EVA1A: variants seen among roughly 807,000 people sequenced by gnomAD.
EVA1A encodes eva-1 homolog A, regulator of programmed cell death, also known as protein eva-1 homolog A.
In EVA1A, 7 loss-of-function variants were observed where a neutral mutation model predicts 9.8. The observed-to-expected ratio is 0.71, with a 90% CI of 0.41 to 1.34. EVA1A has a LOEUF of 1.34. Ranked by LOEUF, EVA1A falls within the 40% of genes most tolerant of loss-of-function variation. EVA1A has a pLI of 0.01. For missense variants in EVA1A, 206 were observed against 205.9 expected, an observed-to-expected ratio of 1.00 and a Z score of 0.00; for synonymous variants, 90 against 85.6, an observed-to-expected ratio of 1.05 and a Z score of -0.28.
At chr2:75,556,650 T>C (rs1676719751) in intron 1 of EVA1A, among the ~76,000 whole-genome samples, 1 of 152,152 alleles carries the variant, frequency 6.6e-6, no homozygotes, top group Non-Finnish European at 1.5e-5. Context: ...AAGGCAGTGC[T>C]ATAGGGCAGC....
chr2:75,517,696 GT>G lies in EVA1A; in HGVS notation c.85+359del, dbSNP rs527608996. 132 of 670,738 alleles carry G rather than the reference GT, an allele frequency of 2.0e-4. No individual in the cohort carries two copies. The African/African-American group carries it at 2.2e-3, about 11-fold the overall frequency. The allele number at this position is 670,738 out of a possible 1,614,324, so 41.5% of individuals were successfully genotyped here. A position where few individuals can be genotyped will look rare whatever the true frequency, so the allele number is the denominator to read the frequency against. On this transcript the variant is annotated intron_variant, in intron 3 of 3. Transcript: ENST00000393913. The stretch of plus-strand genomic sequence containing the variant: ...ACAGTCTCACACACAGGCAGCCTGT[GT>G]GAGGTTAACTGCATAGAATAACCAG...
intron 1 of EVA1A, among the ~76,000 whole-genome samples, chr2:75,556,200 T>C (rs1011968984): frequency 6.6e-6 from 1 of 152,220 alleles, no homozygotes; most frequent in Admixed American, 6.5e-5. Context: ...AAATGCCCTT[T>C]ACAGCACTAA....
intron 3 of EVA1A, among the ~76,000 whole-genome samples, chr2:75,507,869 C>A (rs149971029): frequency 1.8e-4 from 28 of 152,248 alleles, no homozygotes; most frequent in Non-Finnish European, 2.9e-4. Flanking sequence ...ACCTTTGTTG[C>A]GGGAAGTCAG....
chr2:75,547,179 G>T (rs139935189), intron 1 of EVA1A, among the ~76,000 whole-genome samples: 1 of 152,264 alleles, frequency 6.6e-6, no homozygotes, highest in African/African-American at 2.4e-5. Flanking sequence ...TCCTCCCTAC[G>T]TGCATTCCCT....
rs574684714 is a variant in EVA1A, at chr2:75,540,348, C to T, written c.-191-17861G>A. On this transcript the variant is annotated intron_variant, in intron 1 of 3. Transcript: ENST00000393913. ...TCTCATCATTTCCTATCTGAATAGA[C>T]GGAAGCACAAGCTGGGGCTCATTCC... is the stretch of plus-strand genomic sequence containing the variant. 4.6e-5 allele frequency among the ~76,000 whole-genome samples: 7 copies of T among 152,326 alleles called. No individual in the cohort carries two copies. In the East Asian group the frequency reaches 5.8e-4, roughly 13 times the overall value.
intron 2 of EVA1A, among the ~76,000 whole-genome samples, chr2:75,519,392 T>C (rs61374556): frequency 0.027 from 4,085 of 152,108 alleles, 175 homozygotes; most frequent in African/African-American, 0.093. Flanking sequence ...TTCCGTGAGG[T>C]AAATAGAATG....
intron 1 of EVA1A, among the ~76,000 whole-genome samples, chr2:75,526,551 T>C (rs1295925643): frequency 6.6e-6 from 1 of 152,200 alleles, no homozygotes; most frequent in African/African-American, 2.4e-5. Flanking sequence ...TAAGATCACC[T>C]AGCTAGAAAA....
chr2:75,526,688 A>T (rs115670990), intron 1 of EVA1A, among the ~76,000 whole-genome samples: 476 of 152,388 alleles, frequency 3.1e-3, no homozygotes, highest in African/African-American at 0.011. Context: ...TACACGACAC[A>T]TCTTTAGCAC....
chr2:75,552,948 C>T (rs1235199569), intron 1 of EVA1A, among the ~76,000 whole-genome samples: 1 of 152,164 alleles, frequency 6.6e-6, no homozygotes. Context: ...AAACTTTGAC[C>T]CAGTCTCTCC....
At chr2:75,508,497 G>T (rs1674697789) in intron 3 of EVA1A, among the ~76,000 whole-genome samples, 1 of 151,972 alleles carries the variant, frequency 6.6e-6, no homozygotes, top group Non-Finnish European at 1.5e-5. Context: ...TAAATTTTTG[G>T]TCAGACCGGT....
At chr2:75,530,102 T>A (rs925108623) in intron 1 of EVA1A, among the ~76,000 whole-genome samples, 2 of 152,106 alleles carry the variant, frequency 1.3e-5, no homozygotes, top group African/African-American at 4.8e-5. Flanking sequence ...AAAGGATCAT[T>A]CAAGGCTACT....
At chr2:75,523,461 T>A (rs969189050) in intron 1 of EVA1A, among the ~76,000 whole-genome samples, 1 of 152,092 alleles carries the variant, frequency 6.6e-6, no homozygotes, top group South Asian at 2.1e-4. Flanking sequence ...AAACAGTCCT[T>A]ATATCACCGG....
intron 2 of EVA1A, among the ~76,000 whole-genome samples, chr2:75,520,918 G>C (rs1369810087): frequency 6.6e-6 from 1 of 152,140 alleles, no homozygotes; most frequent in Non-Finnish European, 1.5e-5. Context: ...CACAAAATGG[G>C]AGAAAATATT....
chr2:75,561,704 A>G (rs1197527230), upstream of EVA1A, among the ~76,000 whole-genome samples: 1 of 152,186 alleles, frequency 6.6e-6, no homozygotes, highest in Non-Finnish European at 1.5e-5. Flanking sequence ...GAATCAAAAT[A>G]AAAGCTTGGA....
chr2:75,504,914 GTAACAAACCTGCATGTTCTGCA>G (rs2103799697), intron 3 of EVA1A, among the ~76,000 whole-genome samples: 1 of 152,268 alleles, frequency 6.6e-6, no homozygotes, highest in African/African-American at 2.4e-5. Context: ...GTATACCTAT[GTAACAAACCTGCATGTTCTGCA>G]CACGTATCCC....
intron 2 of EVA1A, among the ~76,000 whole-genome samples, chr2:75,520,573 G>T (rs531128435): frequency 6.6e-6 from 1 of 152,080 alleles, no homozygotes; most frequent in African/African-American, 2.4e-5. Context: ...TTTTTGCAAG[G>T]GTGCCAAGAC....
At chr2:75,507,687 TC>T (rs1674665276) in intron 3 of EVA1A, among the ~76,000 whole-genome samples, 1 of 152,052 alleles carries the variant, frequency 6.6e-6, no homozygotes, top group Admixed American at 6.6e-5. Flanking sequence ...ATCTCCACCA[TC>T]CAGACAGCCC....
chr2:75,509,355 C>T (rs1022240354), intron 3 of EVA1A, among the ~76,000 whole-genome samples: 2 of 152,076 alleles, frequency 1.3e-5, no homozygotes, highest in Admixed American at 1.3e-4. Flanking sequence ...AAGATACCCG[C>T]TACTTAATTT....
rs1676894306 is a variant in EVA1A at position 75,560,682 on chromosome 2, T to C, written c.-194A>G. The C allele has an allele frequency of 6.6e-6, 1 of 152,182 alleles. No homozygotes were observed. The highest frequency in any genetic ancestry group is 6.5e-5 in the Admixed American group (1 of 15,284). 9.4% of individuals were successfully genotyped at this position (152,182 alleles called of 1,614,324 possible). On this transcript the variant is annotated splice_region_variant and 5_prime_UTR_variant, in exon 1 of 4. Coordinates refer to ENST00000393913, the MANE Select transcript of EVA1A (RefSeq NM_001135032.2). ...GAGCGCTCTCGGGCACCTCTTACCT[T>C]TGCTGGGGCCCCGGCGCGCACTTCC...
Sources: gnomAD v4.1 joint callset for allele counts (sites outside exome capture counted in the v4.1 genomes callset) on GRCh38, gnomAD v4.1.1 for gene constraint, MANE v1.5 for transcripts, NCBI Gene and HGNC (gene_info 2026-07-23, HGNC 2026-07-21) for gene names.